The following ABCC6 variants were observed in gnomAD, a reference collection of about 807,000 sequenced individuals.
ABCC6 encodes ATP binding cassette subfamily C member 6.
A neutral mutation model predicts 169.5 loss-of-function variants in ABCC6; 126 were observed. That is an observed-to-expected ratio of 0.74 (90% CI 0.64 to 0.86). The LOEUF (loss-of-function observed/expected upper bound fraction) is 0.86. Among genes scored for constraint, ABCC6 ranks in the 40% least tolerant of loss-of-function variants. The pLI is 0.00. For missense variants in ABCC6, 1,733 were observed against 1,927.2 expected, an observed-to-expected ratio of 0.90 and a Z score of 1.89; for synonymous variants, 752 against 814.7, an observed-to-expected ratio of 0.92 and a Z score of 1.31.
intron 17 of ABCC6, among the ~76,000 whole-genome samples, chr16:16,181,346 A>G (rs1174270200): frequency 8.6e-4 from 5 of 5,820 alleles, no homozygotes; most frequent in Admixed American, 6.1e-3. Context: ...CCGTCTCAGA[A>G]AAAAAAAAAA....
rs915698698 is a variant in ABCC6, at chr16:16,203,514, T to C, written c.894A>G (p.Pro298=). Residue 298 remains proline (P), a synonymous_variant, in exon 8 of 31, where the codon CCA becomes CCG. Coordinates refer to ENST00000205557, the MANE Select transcript of ABCC6 (RefSeq NM_001171.6). ...FLRQEGSQWR[P]LLKAIWQVFH... is the part of the protein sequence containing the mutation. ...ACACCTGCCAGATGGCCTTCAGCAG[T>C]GGGCGCCACTGGCTCCCTTCTTGCC... is the stretch of plus-strand genomic sequence containing the variant. 46 of 1,613,872 alleles carry C rather than the reference T, an allele frequency of 2.9e-5. No homozygotes were observed. The highest frequency in any genetic ancestry group is 3.6e-5 in the Non-Finnish European group (43 of 1,179,868).
At chr16:16,185,969 C>G (rs572668622) in intron 14 of ABCC6, among the ~76,000 whole-genome samples, 1 of 152,142 alleles carries the variant, frequency 6.6e-6, no homozygotes, top group South Asian at 2.1e-4. Context: ...GCTGCTATAA[C>G]GATTAACATG....
At chr16:16,157,842 C>G (rs934129472) in intron 26 of ABCC6, 33 bp from the exon 27 acceptor site, 2 of 1,599,478 alleles carry the variant, frequency 1.3e-6, no homozygotes, top group African/African-American at 1.3e-5. Context: ...GTCAGAGGAG[C>G]CTTCCTCTAA....
rs1037256636 is a variant in ABCC6 at position 16,149,937 on chromosome 16, C to A, written c.*196G>T. ...CGAGATGGGCCCTGCCCGGGCAGAC[C>A]TGTGTATTGCTAGGTCCTTCCGGCT... is the stretch of plus-strand genomic sequence containing the variant. On this transcript the variant is annotated 3_prime_UTR_variant, in exon 31 of 31. Transcript: ENST00000205557. The A allele has an allele frequency of 1.7e-5, 14 of 799,998 alleles. No individual in the cohort carries two copies. The African/African-American group carries it at 2.0e-4, about 12-fold the overall frequency. 49.6% of individuals were successfully genotyped at this position (799,998 alleles called of 1,614,324 possible). A position where few individuals can be genotyped will look rare whatever the true frequency, so the allele number is the denominator to read the frequency against.
chr16:16,222,291 T>G (rs1328119006), intron 1 of ABCC6, among the ~76,000 whole-genome samples: 1 of 152,186 alleles, frequency 6.6e-6, no homozygotes, highest in African/African-American at 2.4e-5. Context: ...AAATGGGAAG[T>G]GGCAAAGCTG....
intron 15 of ABCC6, 75 bp from the exon 16 acceptor site, chr16:16,183,005 C>G: frequency 6.2e-7 from 1 of 1,611,180 alleles, no homozygotes; most frequent in Non-Finnish European, 8.5e-7. Context: ...GAGCCCCAGA[C>G]GGAGCTGAGC....
intron 11 of ABCC6, 134 bp downstream of exon 11, chr16:16,192,696 G>A (rs1316032106): frequency 7.5e-6 from 6 of 797,746 alleles, no homozygotes; most frequent in African/African-American, 1.7e-5. Context: ...TGAGTGATGG[G>A]CAGCTCACAG....
At chr16:16,175,490 C>G (rs1015754333) in intron 20 of ABCC6, among the ~76,000 whole-genome samples, 2 of 152,202 alleles carry the variant, frequency 1.3e-5, no homozygotes, top group Admixed American at 1.3e-4. Context: ...CCCACGTGTT[C>G]TGGCCAGCGT....
chr16:16,208,612 T>G, intron 7 of ABCC6, 116 bp downstream of exon 7: 2 of 1,542,424 alleles, frequency 1.3e-6, no homozygotes, highest in Non-Finnish European at 1.8e-6. Flanking sequence ...GACCTTGTGA[T>G]CCGCCTGCCT....
At chr16:16,155,862 A>G (rs2046534452) in intron 27 of ABCC6, 1 of 152,288 alleles carries the variant, frequency 6.6e-6, no homozygotes, top group South Asian at 2.1e-4. Context: ...GGTCTAGGAA[A>G]CAGTGCAATT....
rs2048299569 is a variant in ABCC6 at position 16,203,275 on chromosome 16, C to T, written c.998+135G>A. 5 of 1,482,002 alleles carry T rather than the reference C, an allele frequency of 3.4e-6. No individual in the cohort carries two copies. The South Asian group carries it at 3.7e-5, about 11-fold the overall frequency. 91.8% of individuals were successfully genotyped at this position (1,482,002 alleles called of 1,614,324 possible). A position where few individuals can be genotyped will look rare whatever the true frequency, so the allele number is the denominator to read the frequency against. On this transcript the variant is annotated intron_variant, in intron 8 of 30. Transcript: ENST00000205557. ...TTAATCCATTTCCCTTCCTCAGTGT[C>T]CTTCTCACCCACCATCCAGTGTCCC...
chr16:16,190,526 C>T (rs973105755), intron 11 of ABCC6, among the ~76,000 whole-genome samples, 159 bp from the exon 12 acceptor site: 1 of 152,052 alleles, frequency 6.6e-6, no homozygotes, highest in Admixed American at 6.6e-5. Context: ...CTGGTCCAAC[C>T]ACCATCATCC....
At chr16:16,162,075 C>T (rs909879767) in intron 24 of ABCC6, among the ~76,000 whole-genome samples, 7 of 152,178 alleles carry the variant, frequency 4.6e-5, no homozygotes, top group African/African-American at 9.7e-5. Context: ...CCATGTAAGA[C>T]GTGCCTTGCT....
intron 12 of ABCC6, 44 bp downstream of exon 12, chr16:16,190,120 T>G (rs771038735): frequency 6.3e-7 from 1 of 1,575,936 alleles, no homozygotes; most frequent in Non-Finnish European, 8.7e-7. Flanking sequence ...ACCCCCGCAC[T>G]CCTTCCCCAG....
chr16:16,221,700 G>C lies in ABCC6; in HGVS notation c.168C>G (p.His56Gln), dbSNP rs2049081601. The stretch of plus-strand genomic sequence containing the variant: ...TCCGGAGGTAGCCCCGGCCATGGTG[G>C]TGGATGAAGAGGAGGTAGATGGGAC... ...VLGPIYLLFI[H>Q]HHGRGYLRMS... The change falls in exon 2 of 31, where the codon CAC becomes CAG. Residue 56 changes from histidine (H) to glutamine (Q), a missense_variant. By Grantham distance (24) the His-to-Gln change is conservative. Around this residue, in one of 5 missense-constraint regions of ABCC6, gnomAD observed 66 missense variants for 69.5 expected, o/e 0.95. Coordinates refer to ENST00000205557, the MANE Select transcript of ABCC6 (RefSeq NM_001171.6). The C allele has an allele frequency of 6.2e-7, 1 of 1,613,812 alleles. No individual in the cohort carries two copies. The highest frequency in any genetic ancestry group is 1.3e-5 in the African/African-American group (1 of 74,908).
rs2046721109 is a variant in ABCC6, at chr16:16,161,603, C to T, written c.3507-39G>A. On this transcript the variant is annotated intron_variant, in intron 24 of 30. Transcript: ENST00000205557. ...CGACAGCAGGGTGAGTGGTTACTCT[C>T]ATCTGCAGGGAGATGCTTCTCTGGG... 4 of 1,613,420 alleles carry T rather than the reference C, an allele frequency of 2.5e-6. No homozygotes were observed. The East Asian group carries it at 8.9e-5, about 36-fold the overall frequency.
rs576222208 is a variant in ABCC6 at position 16,193,218 on chromosome 16, C to G, written c.1339-296G>C. 7.9e-5 allele frequency among the ~76,000 whole-genome samples: 12 copies of G among 152,312 alleles called. No individual in the cohort carries two copies. The South Asian group carries it at 2.3e-3, about 29-fold the overall frequency. On this transcript the variant is annotated intron_variant, in intron 10 of 30. Transcript: ENST00000205557. The stretch of plus-strand genomic sequence containing the variant: ...ACCTCCCGTCATCCTCACTGCTACA[C>G]TCCACCAGCGCCATGACAGTTTACA...
In ABCC6 at chr16:16,174,438, G is replaced by A. The variant is rs74246638; in HGVS notation, c.2667-1034C>T. Reference sequence around the variant, plus strand: ...ACGTATTCTGGTTCAGGGACTGCCCGATGTGCGGATCATTCTTTGCTTAGT... The same window carrying A: ...ACGTATTCTGGTTCAGGGACTGCCCAATGTGCGGATCATTCTTTGCTTAGT... On this transcript the variant is annotated intron_variant, in intron 20 of 30. Transcript: ENST00000205557. Among the ~76,000 whole-genome samples, 276 of 152,250 alleles carry A rather than the reference G, an allele frequency of 1.8e-3. 6 individuals are homozygous for A. In the East Asian group the frequency reaches 0.047, roughly 26 times the overall value.
chr16:16,208,406 C>T (rs1386771854), intron 7 of ABCC6, among the ~76,000 whole-genome samples: 1 of 151,492 alleles, frequency 6.6e-6, no homozygotes, highest in Non-Finnish European at 1.5e-5. Flanking sequence ...GGAGTCTGGC[C>T]CTGTCACTCA....
Sources: allele counts gnomAD v4.1 joint callset (sites outside exome capture counted in the v4.1 genomes callset), GRCh38; gene constraint gnomAD v4.1.1; regional missense constraint gnomAD v4.1.1; transcripts MANE v1.5; gene names NCBI Gene and HGNC (gene_info 2026-07-23, HGNC 2026-07-21).